The following SDK1 variants were observed in gnomAD, a reference collection of about 807,000 sequenced individuals.
SDK1 encodes the protein sidekick cell adhesion molecule 1.
A neutral mutation model predicts 245.5 loss-of-function variants in SDK1; 157 were observed. The ratio of observed to expected loss-of-function variants is 0.64; its 90% CI spans 0.56 to 0.73. SDK1 has a LOEUF of 0.73. SDK1 is among the 30% of genes least tolerant of loss of function. The pLI, the probability that SDK1 is intolerant of heterozygous loss-of-function variation, is 0.00. For synonymous variants in SDK1, 1,647 were observed against 1,278.5 expected (o/e 1.29, Z -6.15); for missense variants, 3,583 against 3,002.3 (o/e 1.19, Z -4.52).
At chr7:3,525,408 G>T (rs887434725) in intron 1 of SDK1, among the ~76,000 whole-genome samples, 1 of 152,106 alleles carries the variant, frequency 6.6e-6, no homozygotes, top group Non-Finnish European at 1.5e-5. Context: ...GTTTGACTCA[G>T]TGTCTCCCTT....
At chr7:3,875,097 T>A (rs1781042219) in intron 5 of SDK1, among the ~76,000 whole-genome samples, 1 of 152,232 alleles carries the variant, frequency 6.6e-6, no homozygotes, top group African/African-American at 2.4e-5. Flanking sequence ...TAGTTGAATC[T>A]TCCTATGGGC....
intron 1 of SDK1, among the ~76,000 whole-genome samples, chr7:3,478,025 A>G (rs746040280): frequency 1.3e-5 from 2 of 152,120 alleles, no homozygotes; most frequent in African/African-American, 2.4e-5. Flanking sequence ...TTGATTTGCA[A>G]CATACTCCTT....
chr7:3,371,430 C>G (rs942929758), intron 1 of SDK1, among the ~76,000 whole-genome samples: 5 of 151,586 alleles, frequency 3.3e-5, no homozygotes, highest in African/African-American at 7.3e-5. Context: ...ACACAGGTAA[C>G]AAATTTAGGA....
chr7:3,481,212 G>C (rs1583923704), intron 1 of SDK1, among the ~76,000 whole-genome samples: 1 of 152,188 alleles, frequency 6.6e-6, no homozygotes, highest in African/African-American at 2.4e-5. Context: ...CTTTACAGTA[G>C]GTATTTTTAT....
intron 14 of SDK1, among the ~76,000 whole-genome samples, chr7:4,005,876 C>A (rs1057089124): frequency 2.2e-4 from 34 of 152,034 alleles, no homozygotes; most frequent in Non-Finnish European, 2.9e-5. Flanking sequence ...ACAAAAAATA[C>A]AAAAATTAGC....
At chr7:3,505,469 T>G (rs1202951837) in intron 1 of SDK1, among the ~76,000 whole-genome samples, 1 of 152,202 alleles carries the variant, frequency 6.6e-6, no homozygotes, top group African/African-American at 2.4e-5. Context: ...TCAGCTGGTC[T>G]CAAACTCCTA....
chr7:3,462,139 C>T (rs1206118517), intron 1 of SDK1, among the ~76,000 whole-genome samples: 1 of 152,158 alleles, frequency 6.6e-6, no homozygotes, highest in African/African-American at 2.4e-5. Flanking sequence ...ATCAGAATTG[C>T]TCTGCAGAGG....
intron 1 of SDK1, among the ~76,000 whole-genome samples, chr7:3,393,773 T>A (rs1042736029): frequency 1.3e-5 from 2 of 152,182 alleles, no homozygotes; most frequent in African/African-American, 4.8e-5. Context: ...GAATTTGAGT[T>A]TCTTCAAAAC....
rs115813565 is a variant in SDK1, at chr7:3,548,524, A to G, written c.299-70556A>G. Among the ~76,000 whole-genome samples the G allele has an allele frequency of 8.6e-3, 1,307 of 152,300 alleles. 23 individuals are homozygous for G. The highest frequency in any genetic ancestry group is 0.029 in the African/African-American group (1,209 of 41,560). On this transcript the variant is annotated intron_variant, in intron 1 of 44. Transcript: ENST00000404826. Reference sequence around the variant, plus strand: ...GACTTTTTATTTTTTGTCGTAAACAATGCTGAGATGAACATCCTAATGTCT... The same window carrying G: ...GACTTTTTATTTTTTGTCGTAAACAGTGCTGAGATGAACATCCTAATGTCT...
intron 5 of SDK1, among the ~76,000 whole-genome samples, chr7:3,849,813 T>A (rs1206817521): frequency 1.3e-5 from 2 of 152,252 alleles, no homozygotes; most frequent in Non-Finnish European, 2.9e-5. Context: ...GTAACTTAGG[T>A]CTTTCTTAAA....
chr7:3,930,687 G>A (rs1219299465), intron 5 of SDK1, among the ~76,000 whole-genome samples: 1 of 152,176 alleles, frequency 6.6e-6, no homozygotes, highest in Admixed American at 6.5e-5. Context: ...CAGCTACTTG[G>A]GAGGCTGAGG....
At chr7:3,571,862 T>A (rs1367459855) in intron 1 of SDK1, among the ~76,000 whole-genome samples, 1 of 152,078 alleles carries the variant, frequency 6.6e-6, no homozygotes, top group Non-Finnish European at 1.5e-5. Context: ...GCTATCTGTA[T>A]TTTAAAAGCT....
intron 4 of SDK1, among the ~76,000 whole-genome samples, chr7:3,649,097 C>G (rs908497569): frequency 2.0e-5 from 3 of 152,132 alleles, no homozygotes; most frequent in Non-Finnish European, 4.4e-5. Flanking sequence ...ATTGAGGCAT[C>G]CCACGTGTGC....
In SDK1 at chr7:3,523,594, C is replaced by T. The variant is rs149979856; in HGVS notation, c.299-95486C>T. 9.9e-5 allele frequency among the ~76,000 whole-genome samples: 15 copies of T among 152,132 alleles called. No homozygotes were observed. In the East Asian group the frequency reaches 1.4e-3, roughly 14 times the overall value. On this transcript the variant is annotated intron_variant, in intron 1 of 44. Transcript: ENST00000404826. ...GACCCCATACAGCCTTTATTCTCTG[C>T]GGTACTCAATGTGCGCTGCTTTCCA...
intron 5 of SDK1, among the ~76,000 whole-genome samples, chr7:3,920,397 G>GAAGGTC (rs766624338): frequency 5.9e-5 from 9 of 152,120 alleles, no homozygotes; most frequent in Non-Finnish European, 8.8e-5. Flanking sequence ...AGTCTGGGGG[G>GAAGGTC]AAGGTCAAGG....
intron 5 of SDK1, among the ~76,000 whole-genome samples, chr7:3,872,897 T>G (rs1780991654): frequency 6.6e-6 from 1 of 152,148 alleles, no homozygotes; most frequent in African/African-American, 2.4e-5. Context: ...CTTCTACTAT[T>G]ATTGTCATAC....
chr7:3,967,745 G>A (rs190554521), intron 10 of SDK1, among the ~76,000 whole-genome samples: 14 of 152,152 alleles, frequency 9.2e-5, no homozygotes, highest in Non-Finnish European at 1.3e-4. Context: ...GAGGGTGTGC[G>A]TTCCTATGAG....
chr7:3,641,538 G>A (rs963856841), intron 3 of SDK1, among the ~76,000 whole-genome samples: 1 of 152,168 alleles, frequency 6.6e-6, no homozygotes, highest in African/African-American at 2.4e-5. Context: ...GCTGAAGAGA[G>A]CAAGGGCCGG....
intron 4 of SDK1, among the ~76,000 whole-genome samples, chr7:3,663,170 T>C (rs1485381644): frequency 6.6e-6 from 1 of 152,220 alleles, no homozygotes; most frequent in Non-Finnish European, 1.5e-5. Flanking sequence ...AAACATCTGT[T>C]ACAGTGGCAA....
Sources: allele counts gnomAD v4.1 joint callset (sites outside exome capture counted in the v4.1 genomes callset), GRCh38; gene constraint gnomAD v4.1.1; transcripts MANE v1.5; gene names NCBI Gene and HGNC (gene_info 2026-07-23, HGNC 2026-07-21).